Variants in NDUFAF2 observed in about 807,000 individuals in gnomAD.
NDUFAF2 encodes NADH dehydrogenase [ubiquinone] 1 alpha subcomplex assembly factor 2.
A neutral mutation model predicts 22.8 loss-of-function variants in NDUFAF2; 13 were observed. The ratio of observed to expected loss-of-function variants is 0.57; its 90% CI spans 0.37 to 0.91. The LOEUF is 0.91. Ranked by LOEUF, NDUFAF2 falls within the 40% of genes least tolerant of loss-of-function variation. The pLI, the probability that NDUFAF2 is intolerant of heterozygous loss-of-function variation, is 0.01. For missense variants in NDUFAF2, 162 were observed against 195.2 expected (o/e 0.83, Z 1.01); for synonymous variants, 53 against 64.2 (o/e 0.83, Z 0.84).
chr5:61,040,300 G>GCA (rs1554080882), intron 1 of NDUFAF2, among the ~76,000 whole-genome samples: 41 of 149,198 alleles, frequency 2.7e-4, no homozygotes, highest in African/African-American at 9.5e-4. Flanking sequence ...GCGCGCGCGC[G>GCA]CGAAAGTTGA....
intron 1 of NDUFAF2, among the ~76,000 whole-genome samples, chr5:61,024,301 T>C (rs1348750286): frequency 1.3e-5 from 2 of 152,122 alleles, no homozygotes; most frequent in Non-Finnish European, 2.9e-5. Flanking sequence ...CAAACATTTT[T>C]TGTTTTGTGT....
At chr5:61,109,516 T>A (rs1205295940) in intron 3 of NDUFAF2, among the ~76,000 whole-genome samples, 1 of 152,230 alleles carries the variant, frequency 6.6e-6, no homozygotes, top group Non-Finnish European at 1.5e-5. Flanking sequence ...GTGGGAATTC[T>A]TGTCATGTTT....
chr5:61,096,692 A>G (rs532609133), intron 2 of NDUFAF2, among the ~76,000 whole-genome samples: 5 of 151,674 alleles, frequency 3.3e-5, no homozygotes, highest in South Asian at 4.2e-4. Flanking sequence ...GGCTGGGTGC[A>G]GTGGCTCACG....
intron 3 of NDUFAF2, among the ~76,000 whole-genome samples, chr5:61,135,155 A>G (rs1740904863): frequency 6.6e-6 from 1 of 151,914 alleles, no homozygotes; most frequent in Non-Finnish European, 1.5e-5. Context: ...AAAAAAAAGC[A>G]TATTTCCTAC....
intron 3 of NDUFAF2, among the ~76,000 whole-genome samples, chr5:61,138,194 G>A (rs1740992489): frequency 1.3e-5 from 2 of 152,198 alleles, no homozygotes; most frequent in Admixed American, 1.3e-4. Context: ...AGGGTTGTTA[G>A]TGAGAAGTGG....
intron 1 of NDUFAF2, among the ~76,000 whole-genome samples, chr5:61,029,223 G>T (rs1580102492): frequency 6.6e-6 from 1 of 152,184 alleles, no homozygotes; most frequent in Middle Eastern, 3.4e-3. Context: ...ATGGGGGCAG[G>T]TGATATATGG....
intron 3 of NDUFAF2, among the ~76,000 whole-genome samples, chr5:61,137,497 T>A (rs1740982281): frequency 6.6e-6 from 1 of 152,210 alleles, no homozygotes; most frequent in Admixed American, 6.5e-5. Flanking sequence ...GTTGGAAAGA[T>A]CACTTTACAT....
At chr5:60,954,848 C>G (rs148500297) in intron 1 of NDUFAF2, among the ~76,000 whole-genome samples, 136 of 151,962 alleles carry the variant, frequency 8.9e-4, no homozygotes, top group African/African-American at 3.2e-3. Flanking sequence ...TATTGAGAAC[C>G]TTTTCATATA....
At chr5:61,139,765 C>T (rs1021870825) in intron 3 of NDUFAF2, among the ~76,000 whole-genome samples, 6 of 152,226 alleles carry the variant, frequency 3.9e-5, no homozygotes, top group African/African-American at 1.4e-4. Flanking sequence ...AGAGTGAGAA[C>T]TTATGTTCCT....
Position 61,073,164 on chromosome 5 carries a change from A to G in NDUFAF2, c.167A>G (p.Asn56Ser), listed in dbSNP as rs750914742. ...IREKRIVEAA[N>S]KKEVDYEAGD... is the part of the protein sequence containing the mutation. Reference sequence around the variant, plus strand: ...GAGAAAAGAATTGTAGAAGCAGCAAATAAAAAAGAAGTAGACTATGAAGCA... The same window carrying G: ...GAGAAAAGAATTGTAGAAGCAGCAAGTAAAAAAGAAGTAGACTATGAAGCA... Residue 56 changes from asparagine (N) to serine (S), a missense_variant, in exon 2 of 4, where the codon AAT (asparagine) becomes AGT (serine). By Grantham distance (46) the Asn-to-Ser change is conservative. Transcript: ENST00000296597. 60 of 1,613,344 alleles carry G rather than the reference A, an allele frequency of 3.7e-5. No individual in the cohort carries two copies. The East Asian group carries it at 1.1e-3, about 29-fold the overall frequency.
At chr5:61,014,756 G>A (rs756342980) in intron 1 of NDUFAF2, among the ~76,000 whole-genome samples, 6 of 152,132 alleles carry the variant, frequency 3.9e-5, no homozygotes, top group Non-Finnish European at 8.8e-5. Context: ...GATTCCAGAA[G>A]TTTAAGTAAA....
Position 60,987,846 on chromosome 5 carries a change from TC to T in NDUFAF2, c.127+42465del, listed in dbSNP as rs1215676108. ...ACTGAATGGGCAAAGCTGGAAGCAT[TC>T]TTCTTGAAAACTGGCAAAAGACCAG... On this transcript the variant is annotated intron_variant, in intron 1 of 3. Transcript: ENST00000296597. Among the ~76,000 whole-genome samples the T allele has an allele frequency of 5.3e-5, 8 of 152,180 alleles. No homozygotes were observed. The East Asian group carries it at 1.5e-3, about 29-fold the overall frequency.
At chr5:60,947,276 C>T (rs1374138620) in intron 1 of NDUFAF2, among the ~76,000 whole-genome samples, 1 of 152,154 alleles carries the variant, frequency 6.6e-6, no homozygotes, top group Non-Finnish European at 1.5e-5. Flanking sequence ...ACACCCTCAC[C>T]AGCACTTAGT....
intron 1 of NDUFAF2, among the ~76,000 whole-genome samples, chr5:60,997,909 A>G (rs1278283539): frequency 6.6e-6 from 1 of 152,186 alleles, no homozygotes; most frequent in East Asian, 1.9e-4. Context: ...ATTTTGGTTC[A>G]TTGGCCACCT....
At chr5:60,976,182 G>T (rs560893623) in intron 1 of NDUFAF2, among the ~76,000 whole-genome samples, 2 of 138,656 alleles carry the variant, frequency 1.4e-5, no homozygotes, top group East Asian at 3.9e-4. Context: ...AAATAATAAA[G>T]AACTTTTTAA....
chr5:60,986,990 C>T (rs1026570419), intron 1 of NDUFAF2, among the ~76,000 whole-genome samples: 30 of 149,102 alleles, frequency 2.0e-4, no homozygotes, highest in Non-Finnish European at 3.9e-4. Flanking sequence ...CCAATGAATC[C>T]AGGAGATAGT....
intron 1 of NDUFAF2, among the ~76,000 whole-genome samples, chr5:60,968,541 T>C (rs574136372): frequency 4.6e-5 from 7 of 152,014 alleles, no homozygotes; most frequent in Admixed American, 4.6e-4. Flanking sequence ...ATTTTTGTTT[T>C]TTGAAAAATT....
intron 3 of NDUFAF2, among the ~76,000 whole-genome samples, chr5:61,151,384 C>G (rs1403084740): frequency 6.6e-6 from 1 of 151,438 alleles, no homozygotes; most frequent in Non-Finnish European, 1.5e-5. Context: ...CATTAACATT[C>G]TAATTTCACA....
intron 2 of NDUFAF2, among the ~76,000 whole-genome samples, chr5:61,092,404 G>A (rs1752580086): frequency 6.6e-6 from 1 of 152,020 alleles, no homozygotes; most frequent in South Asian, 2.1e-4. Flanking sequence ...GCAGTGGTTT[G>A]TAGTTCTCCT....
Sources: gnomAD v4.1 joint callset for allele counts (sites outside exome capture counted in the v4.1 genomes callset) on GRCh38, gnomAD v4.1.1 for gene constraint, MANE v1.5 for transcripts, NCBI Gene and HGNC (gene_info 2026-07-23, HGNC 2026-07-21) for gene names.